Variants in ATP8B1 observed in about 807,000 individuals in gnomAD.
ATP8B1 encodes ATPase phospholipid transporting 8B1, also known as phospholipid-transporting ATPase IC.
In ATP8B1, 80 loss-of-function variants were observed where a neutral mutation model predicts 149.9. The observed-to-expected ratio is 0.53, with a 90% CI of 0.45 to 0.64. The LOEUF is 0.64. ATP8B1 is among the 30% of genes least tolerant of loss of function. The probability of loss-of-function intolerance (pLI) is 0.00; values close to 1 mark genes in which losing one functional copy is unlikely to be tolerated. For missense variants in ATP8B1, 1,247 were observed against 1,552.6 expected (o/e 0.80, Z 3.31); for synonymous variants, 536 against 562.8 (o/e 0.95, Z 0.67).
chr18:57,778,078 G>C (rs1255854419), intron 1 of ATP8B1, among the ~76,000 whole-genome samples: 4 of 152,186 alleles, frequency 2.6e-5, no homozygotes, highest in Non-Finnish European at 5.9e-5. Flanking sequence ...GCATTTACCA[G>C]ATAGTGAGCT....
chr18:57,702,800 T>C (rs1599133572), intron 4 of ATP8B1, among the ~76,000 whole-genome samples: 2 of 149,552 alleles, frequency 1.3e-5, no homozygotes, highest in Non-Finnish European at 3.0e-5. Context: ...GAGGTTTTGG[T>C]GAGCTGAGAT....
intron 1 of ATP8B1, among the ~76,000 whole-genome samples, chr18:57,779,897 C>CAAA (rs35023925): frequency 9.3e-6 from 1 of 107,756 alleles, no homozygotes; most frequent in Non-Finnish European, 1.9e-5. Flanking sequence ...AACTCCGTCT[C>CAAA]AAAAAAAAAA....
intron 2 of ATP8B1, among the ~76,000 whole-genome samples, chr18:57,728,779 G>C (rs1435788176): frequency 6.0e-5 from 9 of 150,748 alleles, no homozygotes; most frequent in Non-Finnish European, 1.0e-4. Flanking sequence ...GCGTGTAGTG[G>C]TGGGATCTTG....
At position 57,667,027 on chromosome 18, in the gene ATP8B1, A is replaced by C. The variant is rs571386652; in HGVS notation, c.2285+65T>G. 12 of 1,407,798 alleles carry C rather than the reference A, an allele frequency of 8.5e-6. No individual in the cohort carries two copies. The African/African-American group carries it at 1.4e-4, about 17-fold the overall frequency. The allele number at this position is 1,407,798 out of a possible 1,614,324, so 87.2% of individuals were successfully genotyped here. On this transcript the variant is annotated intron_variant, in intron 20 of 27. Transcript: ENST00000648908. ...TATTTCTTCATATCTGCTATCTTCT[A>C]CAGACAGTCTTGCATTTGCAAAGAT...
At chr18:57,790,977 C>G (rs73446943) in intron 1 of ATP8B1, among the ~76,000 whole-genome samples, 3,076 of 152,276 alleles carry the variant, frequency 0.02, 84 homozygotes, top group African/African-American at 0.062. Flanking sequence ...CCATCTTGGC[C>G]TCCCAAAGTG....
intron 1 of ATP8B1, among the ~76,000 whole-genome samples, chr18:57,764,655 G>A (rs2080193209): frequency 6.7e-6 from 1 of 149,754 alleles, no homozygotes; most frequent in Admixed American, 6.8e-5. Context: ...CTGGCCTCAA[G>A]TGATCCACCT....
In ATP8B1 at chr18:57,801,098, A is replaced by G. The variant is rs1453919298; in HGVS notation, c.-26+1900T>C. 2.0e-5 allele frequency among the ~76,000 whole-genome samples: 3 copies of G among 152,352 alleles called. No individual in the cohort carries two copies. The East Asian group carries it at 5.8e-4, about 29-fold the overall frequency. On this transcript the variant is annotated intron_variant, in intron 1 of 27. Coordinates refer to ENST00000648908, the MANE Select transcript of ATP8B1 (RefSeq NM_001374385.1). ...CCCAGTTCTATCACTAGGATGTAAT[A>G]ACATGTGCACACAGGTGTGTGTGTT...
At chr18:57,687,663 A>G (rs1912318924) in intron 13 of ATP8B1, among the ~76,000 whole-genome samples, 1 of 152,028 alleles carries the variant, frequency 6.6e-6, no homozygotes, top group Non-Finnish European at 1.5e-5. Flanking sequence ...ATTGTGAATA[A>G]TGCTGCTATG....
At chr18:57,787,459 G>A (rs112999009) in intron 1 of ATP8B1, among the ~76,000 whole-genome samples, 219 of 151,828 alleles carry the variant, frequency 1.4e-3, no homozygotes, top group African/African-American at 5.0e-3. Context: ...AGAACACTGC[G>A]GGAGGAGCTC....
chr18:57,773,072 G>T (rs143620929), intron 1 of ATP8B1, among the ~76,000 whole-genome samples: 11 of 151,956 alleles, frequency 7.2e-5, no homozygotes, highest in Non-Finnish European at 1.6e-4. Flanking sequence ...GTGTGGTGGT[G>T]CATGCCTGTA....
chr18:57,777,947 T>C (rs1337976530), intron 1 of ATP8B1, among the ~76,000 whole-genome samples: 1 of 152,102 alleles, frequency 6.6e-6, no homozygotes, highest in Non-Finnish European at 1.5e-5. Flanking sequence ...AAAAATTAAA[T>C]GAAAAAACAA....
intron 16 of ATP8B1, among the ~76,000 whole-genome samples, chr18:57,672,902 ATATATATATATATATATATATATATATAT>A (rs1568189172): frequency 5.2e-5 from 3 of 57,660 alleles, no homozygotes; most frequent in Non-Finnish European, 1.0e-4. Flanking sequence ...ATATATATAT[ATATATATATATATATATATATATATATAT>A]AACATGTATA....
At chr18:57,767,387 G>A (rs558585503) in intron 1 of ATP8B1, among the ~76,000 whole-genome samples, 7 of 152,272 alleles carry the variant, frequency 4.6e-5, no homozygotes, top group African/African-American at 1.2e-4. Context: ...CAGTGGCCAC[G>A]AGCCATGTGT....
rs766580239 is a variant in ATP8B1 at position 57,669,344 on chromosome 18, A to C, written c.2071T>G (p.Tyr691Asp). 1.2e-6 allele frequency: 2 copies of C among 1,612,546 alleles called. No homozygotes were observed. The highest frequency in any genetic ancestry group is 1.7e-6 in the Non-Finnish European group (2 of 1,179,706). Residue 691 changes from tyrosine (Y) to aspartate (D), a missense_variant, in exon 18 of 28, where the codon TAT (tyrosine) becomes GAT (aspartate). Tyr to Asp is a radical substitution (Grantham distance 160). This residue lies in a region of ATP8B1 where 853 missense variants were observed against 1,035.7 expected (regional missense o/e 0.82). Transcript: ENST00000648908. Reference sequence around the variant, plus strand: ...ATTAAGTCTTTTTCAATCTCCTCATATACTTTATCCAGAGCTTCGTCCCGG... The same window carrying C: ...ATTAAGTCTTTTTCAATCTCCTCATCTACTTTATCCAGAGCTTCGTCCCGG... ...TNRDEALDKV[Y>D]EEIEKDLILL...
chr18:57,758,232 G>C (rs1049863701), intron 1 of ATP8B1, among the ~76,000 whole-genome samples: 1 of 152,176 alleles, frequency 6.6e-6, no homozygotes, highest in African/African-American at 2.4e-5. Flanking sequence ...CTATGCAAAA[G>C]GGTGTCTTAG....
At position 57,691,821 on chromosome 18, in the gene ATP8B1, G is replaced by C. The variant is rs1179570288; in HGVS notation, c.1206C>G (p.Ile402Met). The change falls in exon 12 of 28, where the codon ATC (isoleucine) becomes ATG (methionine). Residue 402 changes from isoleucine (I) to methionine (M), a missense_variant. Transcript: ENST00000648908. Reference protein sequence around the residue: ...YIIVLNTMVPISLYVSVEVIR... With the variant: ...YIIVLNTMVPMSLYVSVEVIR... ...GACAGCCTTACCTGACATAGAGAGA[G>C]ATGGGTACCATGGTGTTGAGAACAA... 2.5e-6 allele frequency: 4 copies of C among 1,614,156 alleles called. No homozygotes were observed. The highest frequency in any genetic ancestry group is 3.4e-6 in the Non-Finnish European group (4 of 1,180,018).
chr18:57,650,299 A>G, intron 27 of ATP8B1, 68 bp downstream of exon 27: 1 of 1,582,388 alleles, frequency 6.3e-7, no homozygotes, highest in Admixed American at 1.7e-5. Context: ...TTTGCAGGAA[A>G]CGTGCTGTTG....
At chr18:57,693,806 C>T (rs1912664945) in intron 11 of ATP8B1, among the ~76,000 whole-genome samples, 1 of 152,142 alleles carries the variant, frequency 6.6e-6, no homozygotes, top group South Asian at 2.1e-4. Flanking sequence ...TTTGGGGAGT[C>T]TAGAGTTTTT....
intron 2 of ATP8B1, among the ~76,000 whole-genome samples, chr18:57,717,466 T>C (rs2079593090): frequency 7.3e-6 from 1 of 136,078 alleles, no homozygotes; most frequent in East Asian, 2.3e-4. Context: ...GAGAATGGCA[T>C]GAACCCGGGA....
Sources: allele counts gnomAD v4.1 joint callset (sites outside exome capture counted in the v4.1 genomes callset), GRCh38; gene constraint gnomAD v4.1.1; regional missense constraint gnomAD v4.1.1; transcripts MANE v1.5; gene names NCBI Gene and HGNC (gene_info 2026-07-23, HGNC 2026-07-21).